Variants in DIAPH2 observed in about 807,000 individuals in gnomAD.
DIAPH2 encodes the protein protein diaphanous homolog 2.
DIAPH2 carries 35 observed loss-of-function variants against 92.7 expected under a neutral mutation model. The ratio of observed to expected loss-of-function variants is 0.38; its 90% CI spans 0.29 to 0.50. DIAPH2 has a LOEUF of 0.50. Ranked by LOEUF, DIAPH2 falls within the 20% of genes least tolerant of loss-of-function variation. The probability of loss-of-function intolerance (pLI) is 0.94; values close to 1 mark genes in which losing one functional copy is unlikely to be tolerated. For missense variants in DIAPH2, 701 were observed against 819.5 expected (o/e 0.86, Z 1.77); for synonymous variants, 301 against 280.4 (o/e 1.07, Z -0.73).
chrX:96,994,642 G>A (rs1326140551), intron 17 of DIAPH2, among the ~76,000 whole-genome samples: 3 of 109,575 alleles, frequency 2.7e-5, no homozygotes, highest in African/African-American at 1.0e-4. Context: ...AAGGAAAGAG[G>A]TTTAATTGAC....
chrX:96,815,108 G>A (rs1024261835), intron 4 of DIAPH2, among the ~76,000 whole-genome samples: 9 of 112,334 alleles, frequency 8.0e-5, no homozygotes, highest in African/African-American at 2.9e-4. Context: ...AGTTTCTGCT[G>A]CCTTTTGTTC....
chrX:96,858,729 G>A (rs755252647), intron 4 of DIAPH2, among the ~76,000 whole-genome samples: 1 of 112,101 alleles, frequency 8.9e-6, no homozygotes, highest in South Asian at 3.7e-4. Flanking sequence ...AGGCAATACT[G>A]TGGATCCTAA....
intron 17 of DIAPH2, among the ~76,000 whole-genome samples, chrX:96,966,611 A>G (rs2065895093): frequency 8.9e-6 from 1 of 111,865 alleles, no homozygotes; most frequent in African/African-American, 3.2e-5. Flanking sequence ...GCTTGTGTTT[A>G]TCTACTGTGT....
chrX:97,567,552 G>A (rs1048375853), intron 26 of DIAPH2, among the ~76,000 whole-genome samples: 1 of 111,567 alleles, frequency 9.0e-6, no homozygotes, highest in Non-Finnish European at 1.9e-5. Context: ...CTACAAAGGG[G>A]ACTTCACTTG....
chrX:96,937,092 T>C (rs1439221585), intron 10 of DIAPH2, 141 bp from the exon 11 acceptor site: 1 of 332,031 alleles, frequency 3.0e-6, no homozygotes, highest in Admixed American at 5.6e-5. Context: ...CTACAATTAC[T>C]TTCAGAAAAC....
chrX:96,761,876 T>G (rs2064271561), intron 4 of DIAPH2, among the ~76,000 whole-genome samples: 1 of 111,504 alleles, frequency 9.0e-6, no homozygotes, highest in African/African-American at 3.2e-5. Context: ...GAGGCTTTTA[T>G]TCAACTAAAT....
At chrX:96,983,486 A>G (rs749416390) in intron 17 of DIAPH2, among the ~76,000 whole-genome samples, 1 of 112,391 alleles carries the variant, frequency 8.9e-6, no homozygotes, top group South Asian at 3.7e-4. Context: ...GCAGTGCCTG[A>G]GGCAGCTTCA....
At chrX:97,066,686 C>T (rs1470796943) in intron 17 of DIAPH2, among the ~76,000 whole-genome samples, 1 of 112,114 alleles carries the variant, frequency 8.9e-6, no homozygotes, top group Non-Finnish European at 1.9e-5. Flanking sequence ...TTTGAAAATA[C>T]ACAACATTAG....
At chrX:97,188,464 G>A (rs1261357304) in intron 22 of DIAPH2, among the ~76,000 whole-genome samples, 5 of 112,159 alleles carry the variant, frequency 4.5e-5, no homozygotes. Context: ...AGTCATGAAG[G>A]TAAGGAAAGA....
chrX:97,079,776 A>G (rs1250221038), intron 19 of DIAPH2, among the ~76,000 whole-genome samples: 4 of 111,430 alleles, frequency 3.6e-5, no homozygotes, highest in Non-Finnish European at 7.5e-5. Flanking sequence ...AAAAGGAGTC[A>G]GCATATCAGA....
At chrX:97,377,581 G>A (rs1320481918) in intron 24 of DIAPH2, among the ~76,000 whole-genome samples, 3 of 111,836 alleles carry the variant, frequency 2.7e-5, no homozygotes, top group African/African-American at 6.5e-5. Flanking sequence ...CAGAAAAGAG[G>A]GTTAGCTCAG....
At chrX:97,494,815 G>A (rs932047137) in intron 26 of DIAPH2, among the ~76,000 whole-genome samples, 1 of 112,499 alleles carries the variant, frequency 8.9e-6, no homozygotes, top group Non-Finnish European at 1.9e-5. Flanking sequence ...GACCCTGGTG[G>A]TTCACTGAGG....
At chrX:97,075,882 G>A (rs2066701330) in intron 19 of DIAPH2, among the ~76,000 whole-genome samples, 1 of 112,257 alleles carries the variant, frequency 8.9e-6, no homozygotes, top group Admixed American at 9.5e-5. Context: ...AGTGGTGTAA[G>A]TTGCAAAGTA....
At chrX:96,701,069 A>C (rs780845984) in intron 1 of DIAPH2, among the ~76,000 whole-genome samples, 2 of 111,671 alleles carry the variant, frequency 1.8e-5, no homozygotes, top group African/African-American at 6.5e-5. Context: ...CTTTCTTTCT[A>C]GTTCTTTATA....
At chrX:97,157,200 G>C (rs1157291698) in intron 22 of DIAPH2, among the ~76,000 whole-genome samples, 3 of 110,147 alleles carry the variant, frequency 2.7e-5, no homozygotes, top group African/African-American at 9.9e-5. Flanking sequence ...TGTAATCCCA[G>C]CTACTCGGGA....
intron 23 of DIAPH2, among the ~76,000 whole-genome samples, chrX:97,326,546 A>G (rs1241787292): frequency 8.9e-6 from 1 of 111,767 alleles, no homozygotes. Context: ...TGCTATGAAA[A>G]TTATAATGGG....
At chrX:96,816,895 A>G (rs763178895) in intron 4 of DIAPH2, among the ~76,000 whole-genome samples, 56 of 112,451 alleles carry the variant, frequency 5.0e-4, no homozygotes, top group African/African-American at 1.8e-3. Flanking sequence ...ATTCAGCCAT[A>G]AAAAGAATGA....
chrX:96,816,190 C>T (rs1025686681), intron 4 of DIAPH2, among the ~76,000 whole-genome samples: 7 of 111,741 alleles, frequency 6.3e-5, no homozygotes, highest in African/African-American at 2.0e-4. Flanking sequence ...AATATTCCAC[C>T]GTATGTATGT....
intron 10 of DIAPH2, among the ~76,000 whole-genome samples, chrX:96,932,985 T>G (rs183470832): frequency 8.9e-6 from 1 of 111,951 alleles, no homozygotes; most frequent in African/African-American, 3.2e-5. Flanking sequence ...AATTAGACTT[T>G]TCTTTATCAC....
Sources: allele counts gnomAD v4.1 joint callset (sites outside exome capture counted in the v4.1 genomes callset), GRCh38; gene constraint gnomAD v4.1.1; transcripts MANE v1.5; gene names NCBI Gene and HGNC (gene_info 2026-07-23, HGNC 2026-07-21).